PTPRJ: variants seen among roughly 807,000 people sequenced by gnomAD.
PTPRJ encodes the protein protein tyrosine phosphatase receptor type J.
PTPRJ carries 129 observed loss-of-function variants against 141.3 expected under a neutral mutation model. The ratio of observed to expected loss-of-function variants is 0.91; its 90% CI spans 0.79 to 1.06. The LOEUF (loss-of-function observed/expected upper bound fraction) is 1.06. Among genes scored for constraint, PTPRJ ranks in the 50% least tolerant of loss-of-function variants. The pLI is 0.00. For synonymous variants in PTPRJ, 610 were observed against 640.5 expected (o/e 0.95, Z 0.72); for missense variants, 1,601 against 1,679.7 (o/e 0.95, Z 0.82).
At chr11:48,092,296 A>G (rs867946229) in intron 1 of PTPRJ, among the ~76,000 whole-genome samples, 49 of 73,418 alleles carry the variant, frequency 6.7e-4, no homozygotes, top group African/African-American at 5.2e-3. Flanking sequence ...TTTCATCTCA[A>G]AAAAAAAAAA....
intron 10 of PTPRJ, among the ~76,000 whole-genome samples, chr11:48,138,145 G>C (rs1857147441): frequency 6.6e-6 from 1 of 152,176 alleles, no homozygotes; most frequent in African/African-American, 2.4e-5. Context: ...ATGGTCTCAT[G>C]GGATCAGCCT....
chr11:48,053,111 T>A (rs1347984220), intron 1 of PTPRJ, among the ~76,000 whole-genome samples: 3 of 119,496 alleles, frequency 2.5e-5, no homozygotes, highest in African/African-American at 9.6e-5. Context: ...ATAATATATA[T>A]AAAATATATT....
chr11:48,147,815 G>T (rs1271184875), intron 15 of PTPRJ, among the ~76,000 whole-genome samples: 1 of 152,108 alleles, frequency 6.6e-6, no homozygotes, highest in Admixed American at 6.5e-5. Context: ...TGGAGTGACA[G>T]GCAGAGCTCA....
chr11:48,074,558 C>T (rs1022445023), intron 1 of PTPRJ, among the ~76,000 whole-genome samples: 1 of 152,232 alleles, frequency 6.6e-6, no homozygotes, highest in Admixed American at 6.5e-5. Flanking sequence ...TGTAATCTTT[C>T]TGAGCCTTAA....
chr11:47,992,688 C>T (rs147584307), intron 1 of PTPRJ, among the ~76,000 whole-genome samples: 1 of 152,056 alleles, frequency 6.6e-6, no homozygotes, highest in Non-Finnish European at 1.5e-5. Context: ...GACTTACATA[C>T]TGTAAGGCGG....
chr11:48,167,238 A>G lies in PTPRJ; in HGVS notation c.3890A>G (p.Asp1297Gly). 1 of 1,612,216 alleles carries G rather than the reference A, an allele frequency of 6.2e-7. No individual in the cohort carries two copies. Among genetic ancestry groups the G allele is most frequent in the Non-Finnish European group, 8.5e-7 (1 of 1,178,438 alleles). ...QYVFLNQCVL[D>G]IVRSQKDSKV... ...GTTTTCCTCAATCAGTGTGTTTTGGATATTGTCAGATCCCAGAAAGACTCA... is the reference window on the plus strand; with the variant it reads ...GTTTTCCTCAATCAGTGTGTTTTGGGTATTGTCAGATCCCAGAAAGACTCA... Residue 1297 changes from aspartate (D) to glycine (G), a missense_variant, in exon 25 of 25, where the codon GAT becomes GGT. Physicochemically the swap from Asp to Gly is moderately conservative, Grantham distance 94. Coordinates refer to ENST00000418331, the MANE Select transcript of PTPRJ (RefSeq NM_002843.4).
intron 1 of PTPRJ, among the ~76,000 whole-genome samples, chr11:48,082,452 G>A (rs540601026): frequency 1.0e-4 from 14 of 136,250 alleles, no homozygotes; most frequent in Admixed American, 8.8e-4. Flanking sequence ...GTCTTGCTCC[G>A]TTGTCCAGGC....
intron 14 of PTPRJ, among the ~76,000 whole-genome samples, chr11:48,146,177 A>G (rs1272269710): frequency 1.3e-5 from 2 of 152,194 alleles, no homozygotes; most frequent in African/African-American, 2.4e-5. Flanking sequence ...AGAGAGGGGA[A>G]GTAACTTGCC....
intron 1 of PTPRJ, among the ~76,000 whole-genome samples, chr11:48,067,825 G>T (rs1855124998): frequency 6.6e-6 from 1 of 152,178 alleles, no homozygotes; most frequent in Non-Finnish European, 1.5e-5. Context: ...GCTATGATAG[G>T]GTGGAAATAG....
In PTPRJ at chr11:48,112,974, A is replaced by G. The variant is rs1320750893; in HGVS notation, c.343A>G (p.Ser115Gly). ...TGATGGGGCATCTCAAAAAACTCCC[A>G]GTAGCACTGGTAAGCATAGGCTTTT... Reference protein sequence around the residue: ...GTDGASQKTPSSTGPSPVFDI... With the variant: ...GTDGASQKTPGSTGPSPVFDI... Residue 115 changes from serine to glycine, a missense_variant, in exon 3 of 25, where the codon AGT (serine) becomes GGT (glycine). Ser to Gly is a moderately conservative substitution (Grantham distance 56). Transcript: ENST00000418331. 2.5e-6 allele frequency: 4 copies of G among 1,613,352 alleles called. No homozygotes were observed. Among genetic ancestry groups the G allele is most frequent in the Non-Finnish European group, 3.4e-6 (4 of 1,179,230 alleles).
At chr11:48,155,711 A>G in intron 19 of PTPRJ, 90 bp from the exon 20 acceptor site, 1 of 1,151,256 alleles carries the variant, frequency 8.7e-7, no homozygotes, top group Non-Finnish European at 1.2e-6. Context: ...CAGTTTTGCC[A>G]TTTTGAATTT....
intron 8 of PTPRJ, chr11:48,132,427 G>A (rs1565319642): frequency 1.0e-6 from 1 of 983,280 alleles, no homozygotes; most frequent in Non-Finnish European, 1.2e-6. Flanking sequence ...GCCTACAGGA[G>A]AAACTTCTGG....
chr11:48,029,221 C>T (rs1263063065), intron 1 of PTPRJ, among the ~76,000 whole-genome samples: 1 of 152,182 alleles, frequency 6.6e-6, no homozygotes, highest in Non-Finnish European at 1.5e-5. Context: ...AGGTGAGCCT[C>T]TTACACCTGT....
chr11:47,996,377 T>C (rs972883728), intron 1 of PTPRJ, among the ~76,000 whole-genome samples: 51 of 148,866 alleles, frequency 3.4e-4, no homozygotes, highest in Non-Finnish European at 6.1e-4. Flanking sequence ...GGAAAGAGCA[T>C]GGGCTTTGGT....
At chr11:48,037,445 G>A (rs1401003381) in intron 1 of PTPRJ, among the ~76,000 whole-genome samples, 1 of 152,194 alleles carries the variant, frequency 6.6e-6, no homozygotes, top group Non-Finnish European at 1.5e-5. Flanking sequence ...CTGGAAGCCA[G>A]TAAGTCCCAC....
chr11:48,084,798 G>C (rs1183184775), intron 1 of PTPRJ, among the ~76,000 whole-genome samples: 2 of 152,126 alleles, frequency 1.3e-5, no homozygotes, highest in Non-Finnish European at 1.5e-5. Context: ...TTTGCTGCTT[G>C]GGGTCCATCT....
Position 48,112,743 on chromosome 11 carries a change from A to G in PTPRJ, c.116-4A>G, listed in dbSNP as rs895256363. 4.4e-6 allele frequency: 7 copies of G among 1,600,774 alleles called. No individual in the cohort carries two copies. Among genetic ancestry groups the G allele is most frequent in the African/African-American group, 2.7e-5 (2 of 74,736 alleles). ...TAATCTAATTGTTTACTTTCTTTGCATAGCCCCTAGTCCAATTCCTGACCC... is the reference window on the plus strand; with the variant it reads ...TAATCTAATTGTTTACTTTCTTTGCGTAGCCCCTAGTCCAATTCCTGACCC... On this transcript the variant is annotated splice_region_variant and splice_polypyrimidine_tract_variant and intron_variant, in intron 2 of 24. Transcript: ENST00000418331.
chr11:48,131,663 C>CAA (rs1446585103), intron 8 of PTPRJ: 1 of 587,784 alleles, frequency 1.7e-6, no homozygotes, highest in East Asian at 2.9e-5. Flanking sequence ...CTGTCTATGG[C>CAA]TACTTTGGTG....
At chr11:48,155,751 T>G in intron 19 of PTPRJ, 50 bp from the exon 20 acceptor site, 1 of 1,452,206 alleles carries the variant, frequency 6.9e-7, no homozygotes, top group Non-Finnish European at 9.5e-7. Context: ...TGTCCAACTT[T>G]ACTAAAACAT....
Sources: gnomAD v4.1 joint callset for allele counts (sites outside exome capture counted in the v4.1 genomes callset) on GRCh38, gnomAD v4.1.1 for gene constraint, MANE v1.5 for transcripts, NCBI Gene and HGNC (gene_info 2026-07-23, HGNC 2026-07-21) for gene names.